Variants in LONRF1 observed in about 807,000 individuals in gnomAD.
LONRF1 encodes LON peptidase N-terminal domain and ring finger 1, also known as LON peptidase N-terminal domain and RING finger protein 1.
A neutral mutation model predicts 85.8 loss-of-function variants in LONRF1; 37 were observed. That is an observed-to-expected ratio of 0.43 (90% CI 0.33 to 0.57). LONRF1 has a LOEUF of 0.57. LONRF1 is among the 20% of genes least tolerant of loss of function. The pLI is 0.04. For synonymous variants in LONRF1, 517 were observed against 390.1 expected (o/e 1.33, Z -3.83); for missense variants, 1,036 against 978.0 (o/e 1.06, Z -0.79).
intron 7 of LONRF1, among the ~76,000 whole-genome samples, chr8:12,734,266 C>A (rs1798636208): frequency 6.6e-6 from 1 of 150,562 alleles, no homozygotes; most frequent in East Asian, 2.0e-4. Context: ...TTTTACATAT[C>A]AGCTTGTTAT....
Position 12,731,941 on chromosome 8 carries a change from C to A in LONRF1, c.1567-84G>T, listed in dbSNP as rs533257152. The A allele has an allele frequency of 7.2e-5, 90 of 1,248,292 alleles. No homozygotes were observed. In the African/African-American group the frequency reaches 7.7e-4, roughly 11 times the overall value. The allele number at this position is 1,248,292 out of a possible 1,614,324, so 77.3% of individuals were successfully genotyped here. A position where few individuals can be genotyped will look rare whatever the true frequency, so the allele number is the denominator to read the frequency against. On this transcript the variant is annotated intron_variant, in intron 7 of 11. Coordinates refer to ENST00000398246, the MANE Select transcript of LONRF1 (RefSeq NM_152271.5). ...AACACAGTTAACTGATATATTAAAGCCTTTATTACATACTTATACCATCAA... is the reference window on the plus strand; with the variant it reads ...AACACAGTTAACTGATATATTAAAGACTTTATTACATACTTATACCATCAA...
Position 12,755,353 on chromosome 8 carries a change from C to T in LONRF1, c.68G>A (p.Gly23Asp). Reference protein sequence around the residue: ...GSREMAPAPQGRGRFWEVGGG... With the variant: ...GSREMAPAPQDRGRFWEVGGG... ...GCCCACTTCCCAGAACCGGCCTCGG[C>T]CCTGCGGCGCTGGGGCCATCTCCCG... Residue 23 changes from glycine (G) to aspartate (D), a missense_variant, in exon 1 of 12, where the codon GGC becomes GAC. Physicochemically the swap from Gly to Asp is moderately conservative, Grantham distance 94 (BLOSUM62 -1). Coordinates refer to ENST00000398246, the MANE Select transcript of LONRF1 (RefSeq NM_152271.5). 8.2e-7 allele frequency: 1 copy of T among 1,225,884 alleles called. No homozygotes were observed. The highest frequency in any genetic ancestry group is 4.2e-5 in the Admixed American group (1 of 24,010). 75.9% of individuals were successfully genotyped at this position (1,225,884 alleles called of 1,614,324 possible). A position where few individuals can be genotyped will look rare whatever the true frequency, so the allele number is the denominator to read the frequency against.
chr8:12,745,312 AT>A (rs1799102579), intron 1 of LONRF1, among the ~76,000 whole-genome samples: 1 of 107,572 alleles, frequency 9.3e-6, no homozygotes, highest in South Asian at 4.0e-4. Context: ...TTGAATGATT[AT>A]TTTTTTGGAA....
chr8:12,744,142 A>G (rs1256880674), intron 1 of LONRF1, among the ~76,000 whole-genome samples: 1 of 152,212 alleles, frequency 6.6e-6, no homozygotes, highest in Non-Finnish European at 1.5e-5. Flanking sequence ...TTAAAAGCAT[A>G]AAGTATTCAT....
chr8:12,727,083 GATA>G (rs761252334), intron 10 of LONRF1: 9 of 145,922 alleles, frequency 6.2e-5, no homozygotes, highest in Non-Finnish European at 1.1e-4. Context: ...AACATACATT[GATA>G]GGAGCAAGAA....
Position 12,754,952 on chromosome 8 carries a change from G to C in LONRF1, c.469C>G (p.Leu157Val). Residue 157 changes from leucine (L) to valine (V), a missense_variant, in exon 1 of 12, where the codon CTC becomes GTC. Transcript: ENST00000398246. ...LRRELRARCRLCRDRLPPATA... is the reference protein window; with the variant it reads ...LRRELRARCRVCRDRLPPATA... The stretch of plus-strand genomic sequence containing the variant: ...GCGGGCGGCAGCCGGTCCCGGCAGA[G>C]GCGGCAGCGGGCGCGGAGTTCCCTC... 2.0e-6 allele frequency: 3 copies of C among 1,490,202 alleles called. No individual in the cohort carries two copies. Among genetic ancestry groups the C allele is most frequent in the Non-Finnish European group, 2.7e-6 (3 of 1,125,304 alleles). 92.3% of individuals were successfully genotyped at this position (1,490,202 alleles called of 1,614,324 possible). A position where few individuals can be genotyped will look rare whatever the true frequency, so the allele number is the denominator to read the frequency against.
Position 12,755,064 on chromosome 8 carries a change from C to A in LONRF1, c.357G>T (p.Gly119=). 6 of 1,474,396 alleles carry A rather than the reference C, an allele frequency of 4.1e-6. No homozygotes were observed. The highest frequency in any genetic ancestry group is 1.3e-5 in the South Asian group (1 of 77,876). 91.3% of individuals were successfully genotyped at this position (1,474,396 alleles called of 1,614,324 possible). A position where few individuals can be genotyped will look rare whatever the true frequency, so the allele number is the denominator to read the frequency against. ...CCCGGCAGCCCAGGCATCTGAGGAG[C>A]CCGCCGGCGCCGCCGTCAGCGCCTG... is the stretch of plus-strand genomic sequence containing the variant. The part of the protein sequence containing the change: ...PVAGADGGAG[G]LLRCLGCRGF... The change falls in exon 1 of 12, where the codon GGG becomes GGT. Residue 119 remains glycine, a synonymous_variant. Transcript: ENST00000398246.
intron 11 of LONRF1, 150 bp downstream of exon 11, chr8:12,725,577 T>C (rs576583761): frequency 4.3e-6 from 3 of 694,306 alleles, no homozygotes; most frequent in African/African-American, 1.8e-5. Flanking sequence ...AGAGAACTCA[T>C]GATTGCAAAG....
At position 12,725,723 on chromosome 8, in the gene LONRF1, A is replaced by C. The variant is rs1798271856; in HGVS notation, c.2163+4T>G. ...CTTTTGGAAGAACAGAAAAGCCACC[A>C]TACCTGAAGGTTTTCCTCCCTCTCG... On this transcript the variant is annotated splice_donor_region_variant and intron_variant, in intron 11 of 11. Transcript: ENST00000398246. The C allele has an allele frequency of 6.2e-7, 1 of 1,606,892 alleles. No homozygotes were observed. Among genetic ancestry groups the C allele is most frequent in the Non-Finnish European group, 8.5e-7 (1 of 1,174,386 alleles).
intron 1 of LONRF1, among the ~76,000 whole-genome samples, chr8:12,743,899 G>GA (rs1473112224): frequency 6.6e-6 from 1 of 151,992 alleles, no homozygotes; most frequent in Non-Finnish European, 1.5e-5. Context: ...ATACTCCTGA[G>GA]AAAAAACGCT....
chr8:12,725,832 C>G lies in LONRF1; in HGVS notation c.2058G>C (p.Leu686Phe), dbSNP rs748393643. The change falls in exon 11 of 12, where the codon TTG becomes TTC. Residue 686 changes from leucine to phenylalanine, a missense_variant. By Grantham distance (22) the Leu-to-Phe change is conservative (BLOSUM62 0). Around this residue, in one of 3 missense-constraint regions of LONRF1, gnomAD observed 265 missense variants for 301.5 expected, o/e 0.88. Transcript: ENST00000398246. ...EIKNLRELHDLVYSQACSWFQ... is the reference protein window; with the variant it reads ...EIKNLRELHDFVYSQACSWFQ... ...ACCAGCTGCAGGCTTGAGAGTAAAC[C>G]AAATCATGAAGCTCTCTGAGATTCT... 1 of 1,613,260 alleles carries G rather than the reference C, an allele frequency of 6.2e-7. No individual in the cohort carries two copies. The highest frequency in any genetic ancestry group is 1.7e-5 in the Admixed American group (1 of 60,006).
In LONRF1 at chr8:12,736,699, A is replaced by G. The variant is rs1414063890; in HGVS notation, c.1451+2T>C. The G allele has an allele frequency of 6.3e-7, 1 of 1,590,448 alleles. No individual in the cohort carries two copies. The highest frequency in any genetic ancestry group is 1.1e-5 in the South Asian group (1 of 88,572). On this transcript the variant is annotated splice_donor_variant, in intron 6 of 11. Transcript: ENST00000398246. LOFTEE classifies it high-confidence loss of function. Reference sequence around the variant, plus strand: ...ATCTTCTATAAAGTTTTATATGCTTACCTCATGCAGAGAGAACACTCGAAA... The same window carrying G: ...ATCTTCTATAAAGTTTTATATGCTTGCCTCATGCAGAGAGAACACTCGAAA...
intron 1 of LONRF1, among the ~76,000 whole-genome samples, chr8:12,745,944 C>T (rs1273937698): frequency 6.6e-6 from 1 of 152,140 alleles, no homozygotes; most frequent in African/African-American, 2.4e-5. Flanking sequence ...CCTGATTTTT[C>T]ACCCTAACTT....
chr8:12,731,909 A>C (rs1295679719), intron 7 of LONRF1, 52 bp from the exon 8 acceptor site: 2 of 1,541,618 alleles, frequency 1.3e-6, no homozygotes, highest in East Asian at 4.5e-5. Context: ...TACAGTATAA[A>C]ACAGGCAACA....
At position 12,755,150 on chromosome 8, in the gene LONRF1, C is replaced by A; in HGVS notation, c.271G>T (p.Asp91Tyr). 1.4e-6 allele frequency: 2 copies of A among 1,431,136 alleles called. No individual in the cohort carries two copies. The highest frequency in any genetic ancestry group is 1.4e-5 in the South Asian group (1 of 71,320). 88.7% of individuals were successfully genotyped at this position (1,431,136 alleles called of 1,614,324 possible). ...AGCCGGTAGTTGAACACCAGGCAGTCCACCAGGGCGCCCAGGCACTCGGGC... is the reference window on the plus strand; with the variant it reads ...AGCCGGTAGTTGAACACCAGGCAGTACACCAGGGCGCCCAGGCACTCGGGC... ...ARPECLGALV[D>Y]CLVFNYRLRH... The change falls in exon 1 of 12, where the codon GAC (aspartate) becomes TAC (tyrosine). Residue 91 changes from aspartate to tyrosine, a missense_variant. Physicochemically the swap from Asp to Tyr is radical, Grantham distance 160. This residue lies in a region of LONRF1 where 742 missense variants were observed against 614.4 expected (regional missense o/e 1.21). Transcript: ENST00000398246.
In LONRF1 at chr8:12,728,951, T is replaced by G; in HGVS notation, c.1960A>C (p.Met654Leu). The G allele has an allele frequency of 6.2e-7, 1 of 1,614,022 alleles. No homozygotes were observed. Among genetic ancestry groups the G allele is most frequent in the Non-Finnish European group, 8.5e-7 (1 of 1,179,876 alleles). The change falls in exon 10 of 12, where the codon ATG (methionine) becomes CTG (leucine). Residue 654 changes from methionine (M) to leucine (L), a missense_variant. Physicochemically the swap from Met to Leu is conservative, Grantham distance 15. Around this residue, in one of 3 missense-constraint regions of LONRF1, gnomAD observed 265 missense variants for 301.5 expected, o/e 0.88. Transcript: ENST00000398246. ...TCGGCAGTGCAATATCCATCTTTCA[T>G]TCCTCTTTTTAAAACCCTAAACCGC... ...GKRFRVLKRGMKDGYCTADIE... is the reference protein window; with the variant it reads ...GKRFRVLKRGLKDGYCTADIE...
At chr8:12,747,562 C>G (rs189242618) in intron 1 of LONRF1, among the ~76,000 whole-genome samples, 2 of 152,284 alleles carry the variant, frequency 1.3e-5, no homozygotes, top group Admixed American at 1.3e-4. Context: ...GAATGGGCAA[C>G]AGCTCATTCT....
chr8:12,729,678 A>C (rs1255630503), intron 8 of LONRF1, among the ~76,000 whole-genome samples: 2 of 152,182 alleles, frequency 1.3e-5, no homozygotes, highest in Admixed American at 1.3e-4. Flanking sequence ...TTAAATATTT[A>C]TAACATGACA....
chr8:12,723,862 T>A (rs150996727), intron 11 of LONRF1, among the ~76,000 whole-genome samples: 24 of 152,322 alleles, frequency 1.6e-4, no homozygotes, highest in African/African-American at 5.5e-4. Flanking sequence ...CAGCTTCCAA[T>A]GTTGTTCAAA....
Sources: allele counts gnomAD v4.1 joint callset (sites outside exome capture counted in the v4.1 genomes callset), GRCh38; gene constraint gnomAD v4.1.1; regional missense constraint gnomAD v4.1.1; transcripts MANE v1.5; gene names NCBI Gene and HGNC (gene_info 2026-07-23, HGNC 2026-07-21).